TBC1D32: variants seen among roughly 807,000 people sequenced by gnomAD.
TBC1D32 encodes the protein TBC1 domain family member 32.
Under a neutral mutation model 170.3 loss-of-function variants are expected in TBC1D32, and 151 were observed. The observed-to-expected ratio is 0.89, with a 90% CI of 0.78 to 1.01. TBC1D32 has a LOEUF of 1.01. TBC1D32 is among the 50% of genes least tolerant of loss of function. The pLI, the probability that TBC1D32 is intolerant of heterozygous loss-of-function variation, is 0.00. For missense variants in TBC1D32, 1,464 were observed against 1,457.1 expected, an observed-to-expected ratio of 1.00 and a Z score of -0.08; for synonymous variants, 498 against 488.0, an observed-to-expected ratio of 1.02 and a Z score of -0.27.
chr6:121,177,826 A>G (rs1188128705), intron 22 of TBC1D32, among the ~76,000 whole-genome samples: 3 of 152,340 alleles, frequency 2.0e-5, no homozygotes, highest in Non-Finnish European at 2.9e-5. Flanking sequence ...AAAATCTGCA[A>G]TCTGAAATAC....
chr6:121,080,728 T>C lies in TBC1D32; in HGVS notation c.*43A>G. The C allele has an allele frequency of 6.3e-7, 1 of 1,583,886 alleles. No homozygotes were observed. Among genetic ancestry groups the C allele is most frequent in the Non-Finnish European group, 8.6e-7 (1 of 1,167,658 alleles). On this transcript the variant is annotated 3_prime_UTR_variant, in exon 32 of 32. Coordinates refer to ENST00000398212, the MANE Select transcript of TBC1D32 (RefSeq NM_152730.6). ...AAACATCAAGCCCCCCTGCTGTGTT[T>C]AAAAATAAATAAAACCTAAATTTAA...
At chr6:121,319,162 A>C (rs1326805728) in intron 2 of TBC1D32, among the ~76,000 whole-genome samples, 1 of 151,930 alleles carries the variant, frequency 6.6e-6, no homozygotes, top group Non-Finnish European at 1.5e-5. Context: ...ATTACGAGAA[A>C]ACACAAAAAT....
chr6:121,094,146 A>C (rs1777129999), intron 30 of TBC1D32, among the ~76,000 whole-genome samples: 1 of 151,818 alleles, frequency 6.6e-6, no homozygotes, highest in African/African-American at 2.4e-5. Flanking sequence ...ATGAGTCATA[A>C]ATTTTAATCT....
intron 24 of TBC1D32, among the ~76,000 whole-genome samples, chr6:121,153,198 T>G (rs1269469048): frequency 6.6e-6 from 1 of 152,140 alleles, no homozygotes; most frequent in Non-Finnish European, 1.5e-5. Flanking sequence ...GTGGTCCTTC[T>G]TGATGTTGAT....
At chr6:121,126,315 T>A in intron 26 of TBC1D32, 63 bp downstream of exon 26, 1 of 1,222,338 alleles carries the variant, frequency 8.2e-7, no homozygotes, top group Non-Finnish European at 1.2e-6. Flanking sequence ...TCATTACACA[T>A]CTCCATTAAT....
chr6:121,262,835 A>AGT (rs1413756896), intron 15 of TBC1D32, among the ~76,000 whole-genome samples: 8 of 152,166 alleles, frequency 5.3e-5, no homozygotes, highest in Non-Finnish European at 1.0e-4. Flanking sequence ...GGCCAAACGA[A>AGT]GCTTCATAAA....
At chr6:121,099,354 AAAT>A (rs1777757655) in intron 30 of TBC1D32, among the ~76,000 whole-genome samples, 1 of 151,974 alleles carries the variant, frequency 6.6e-6, no homozygotes, top group Admixed American at 6.6e-5. Context: ...GCTCATTTAA[AAAT>A]AATATATATT....
chr6:121,266,684 T>G (rs1191860824), intron 15 of TBC1D32, among the ~76,000 whole-genome samples: 1 of 152,064 alleles, frequency 6.6e-6, no homozygotes, highest in African/African-American at 2.4e-5. Flanking sequence ...AATTATAGAC[T>G]GGATAAGAAA....
At chr6:121,274,264 C>T (rs780398304) in intron 15 of TBC1D32, among the ~76,000 whole-genome samples, 7 of 151,604 alleles carry the variant, frequency 4.6e-5, no homozygotes, top group Non-Finnish European at 8.8e-5. Context: ...ACCCAGGAGG[C>T]GGAGGTTGCA....
At chr6:121,292,253 C>G in intron 11 of TBC1D32, 60 bp from the exon 12 acceptor site, 1 of 1,474,036 alleles carries the variant, frequency 6.8e-7, no homozygotes, top group Non-Finnish European at 9.2e-7. Context: ...CAGTACCTGT[C>G]TTCATTCCCT....
chr6:121,143,121 C>T (rs1297377398), intron 24 of TBC1D32, among the ~76,000 whole-genome samples: 1 of 152,046 alleles, frequency 6.6e-6, no homozygotes, highest in South Asian at 2.1e-4. Context: ...ATTATACTAC[C>T]TATCTATACC....
chr6:121,327,872 C>T (rs1810652437), intron 1 of TBC1D32, among the ~76,000 whole-genome samples: 1 of 152,170 alleles, frequency 6.6e-6, no homozygotes, highest in African/African-American at 2.4e-5. Flanking sequence ...CTAGTCTGGC[C>T]TTTCAATAGC....
chr6:121,146,269 A>T (rs1366104050), intron 24 of TBC1D32, among the ~76,000 whole-genome samples: 1 of 152,234 alleles, frequency 6.6e-6, no homozygotes. Context: ...TCCAGAAATA[A>T]GGGAGAAAAG....
chr6:121,323,930 C>T (rs1810108635), intron 1 of TBC1D32, among the ~76,000 whole-genome samples: 1 of 152,136 alleles, frequency 6.6e-6, no homozygotes, highest in Non-Finnish European at 1.5e-5. Context: ...CAGAGCAAGA[C>T]TCCACCTCAA....
chr6:121,260,527 T>A (rs554072195), intron 15 of TBC1D32, among the ~76,000 whole-genome samples: 162 of 145,996 alleles, frequency 1.1e-3, no homozygotes, highest in Non-Finnish European at 2.1e-3. Context: ...CAGGGTGGTA[T>A]GGCAGCCCAC....
chr6:121,223,140 T>A (rs1794704728), intron 21 of TBC1D32, 96 bp downstream of exon 21: 1 of 751,418 alleles, frequency 1.3e-6, no homozygotes, highest in African/African-American at 1.8e-5. Context: ...CATTACATAA[T>A]GTTTCTTTTT....
At chr6:121,244,724 G>T (rs1293697668) in intron 17 of TBC1D32, among the ~76,000 whole-genome samples, 1 of 152,156 alleles carries the variant, frequency 6.6e-6, no homozygotes, top group Non-Finnish European at 1.5e-5. Context: ...AGTAAATATG[G>T]TATGGCAATA....
intron 10 of TBC1D32, among the ~76,000 whole-genome samples, chr6:121,297,612 C>G (rs1200500729): frequency 3.3e-5 from 5 of 152,032 alleles, no homozygotes; most frequent in Non-Finnish European, 7.4e-5. Context: ...ACTATCTTAA[C>G]TTTTTCAGGG....
chr6:121,274,539 T>A (rs4371872), intron 15 of TBC1D32, among the ~76,000 whole-genome samples: 14,242 of 151,726 alleles, frequency 0.094, 1,167 homozygotes, highest in African/African-American at 0.22. Flanking sequence ...AATCCAACTA[T>A]TTTCCCTAAA....
Sources: allele counts gnomAD v4.1 joint callset (sites outside exome capture counted in the v4.1 genomes callset), GRCh38; gene constraint gnomAD v4.1.1; transcripts MANE v1.5; gene names NCBI Gene and HGNC (gene_info 2026-07-23, HGNC 2026-07-21).